Variants in AKT3 observed in about 807,000 individuals in gnomAD.
AKT3 encodes the protein AKT serine/threonine kinase 3.
A neutral mutation model predicts 65.3 loss-of-function variants in AKT3; 15 were observed. That is an observed-to-expected ratio of 0.23 (90% confidence interval 0.15 to 0.35). The LOEUF is 0.35. Ranked by LOEUF, AKT3 falls within the 10% of genes least tolerant of loss-of-function variation. AKT3 has a pLI of 1.00. For synonymous variants in AKT3, 206 were observed against 183.8 expected, an observed-to-expected ratio of 1.12 and a Z score of -0.98; for missense variants, 243 against 576.5, an observed-to-expected ratio of 0.42 and a Z score of 5.92.
At chr1:243,587,072 CAAATTATTA>C (rs980335247) in intron 8 of AKT3, among the ~76,000 whole-genome samples, 7 of 151,992 alleles carry the variant, frequency 4.6e-5, no homozygotes, top group African/African-American at 1.7e-4. Context: ...GAGAGGGCTA[CAAATTATTA>C]ATGTATATGA....
In AKT3 at chr1:243,671,025, ATTCT is replaced by A. The variant is rs1440023487; in HGVS notation, c.173-6146_173-6143del. 5.9e-5 allele frequency among the ~76,000 whole-genome samples: 9 copies of A among 152,088 alleles called. No individual in the cohort carries two copies. In the South Asian group the frequency reaches 8.3e-4, roughly 14 times the overall value. The stretch of plus-strand genomic sequence containing the variant: ...CTTTAGCCATTTAAACACTAATTTT[ATTCT>A]TTCTAAAATAACATCCAATGTGAAA... On this transcript the variant is annotated intron_variant, in intron 3 of 13. Transcript: ENST00000673466.
chr1:243,616,059 A>T (rs1157632402), intron 6 of AKT3, among the ~76,000 whole-genome samples: 3 of 150,628 alleles, frequency 2.0e-5, no homozygotes, highest in Non-Finnish European at 4.4e-5. Flanking sequence ...GGTGTTACAC[A>T]TTTTTTTTTA....
At chr1:243,645,853 CAAAT>C (rs770242111) in intron 5 of AKT3, 36 bp downstream of exon 5, 29 of 1,528,016 alleles carry the variant, frequency 1.9e-5, no homozygotes, top group Non-Finnish European at 2.5e-5. Flanking sequence ...TTCTTCCAGA[CAAAT>C]GAATGCTGTG....
intron 3 of AKT3, among the ~76,000 whole-genome samples, chr1:243,683,752 T>C (rs1684084980): frequency 6.6e-6 from 1 of 152,174 alleles, no homozygotes. Context: ...GTCCTCAGTA[T>C]AAACTATTGA....
chr1:243,812,148 C>T (rs1229575774), intron 2 of AKT3, among the ~76,000 whole-genome samples: 2 of 152,128 alleles, frequency 1.3e-5, no homozygotes, highest in Admixed American at 1.3e-4. Flanking sequence ...AAAGCAATGG[C>T]AACAAAAGCC....
chr1:243,602,734 A>G (rs969911469), intron 8 of AKT3, among the ~76,000 whole-genome samples: 4 of 152,250 alleles, frequency 2.6e-5, no homozygotes, highest in Admixed American at 6.5e-5. Context: ...AGAGTTTACA[A>G]TGAACTAAGT....
chr1:243,580,241 GTT>G (rs993799974), intron 8 of AKT3, among the ~76,000 whole-genome samples: 6 of 152,172 alleles, frequency 3.9e-5, no homozygotes, highest in African/African-American at 1.4e-4. Flanking sequence ...GCTGATAAAA[GTT>G]AAGTGAAGCC....
chr1:243,520,589 T>G (rs532008144), intron 12 of AKT3, among the ~76,000 whole-genome samples: 51 of 152,366 alleles, frequency 3.3e-4, no homozygotes, highest in Non-Finnish European at 6.3e-4. Context: ...TCTCAGCTAC[T>G]TTTATGGATC....
chr1:243,572,711 A>G (rs1426847674), intron 9 of AKT3, among the ~76,000 whole-genome samples: 1 of 152,188 alleles, frequency 6.6e-6, no homozygotes, highest in East Asian at 1.9e-4. Context: ...TCGGGCAGAA[A>G]TTGCTTTGCA....
intron 2 of AKT3, among the ~76,000 whole-genome samples, chr1:243,838,347 G>A (rs775384551): frequency 6.6e-6 from 1 of 151,912 alleles, no homozygotes; most frequent in Non-Finnish European, 1.5e-5. Flanking sequence ...GTACCATGTG[G>A]TTTACACAGT....
intron 3 of AKT3, among the ~76,000 whole-genome samples, chr1:243,667,377 A>G (rs1682863413): frequency 6.6e-6 from 1 of 152,000 alleles, no homozygotes; most frequent in Non-Finnish European, 1.5e-5. Flanking sequence ...TCTTCTGCCA[A>G]CCTCTACTGT....
At chr1:243,563,960 T>C (rs1673976739) in intron 9 of AKT3, 112 bp from the exon 10 acceptor site, 14 of 1,019,624 alleles carry the variant, frequency 1.4e-5, no homozygotes, top group Non-Finnish European at 1.9e-5. Context: ...CAGGACATAG[T>C]TGTAGCTAAT....
At chr1:243,738,561 T>TTTTCTTTATTTATTTATTTC (rs1687969676) in intron 2 of AKT3, among the ~76,000 whole-genome samples, 1 of 152,198 alleles carries the variant, frequency 6.6e-6, no homozygotes. Context: ...AAAATGTAAA[T>TTTTCTTTATTTATTTATTTC]AAATTTTATA....
intron 3 of AKT3, among the ~76,000 whole-genome samples, chr1:243,694,640 C>T (rs760823243): frequency 6.6e-6 from 1 of 151,544 alleles, no homozygotes; most frequent in Non-Finnish European, 1.5e-5. Flanking sequence ...CATTCTAACC[C>T]ACTAATAAGG....
intron 2 of AKT3, among the ~76,000 whole-genome samples, chr1:243,719,207 T>C (rs1396184787): frequency 6.6e-6 from 1 of 152,216 alleles, no homozygotes; most frequent in Non-Finnish European, 1.5e-5. Flanking sequence ...AAACCGATAG[T>C]GTTTAAATCC....
chr1:243,633,702 G>T (rs1679772817), intron 6 of AKT3, among the ~76,000 whole-genome samples: 1 of 151,944 alleles, frequency 6.6e-6, no homozygotes, highest in Non-Finnish European at 1.5e-5. Context: ...ACAAAAGAAG[G>T]CATTTATGTA....
At chr1:243,540,689 C>G (rs561916792) in intron 12 of AKT3, among the ~76,000 whole-genome samples, 1 of 152,102 alleles carries the variant, frequency 6.6e-6, no homozygotes, top group Non-Finnish European at 1.5e-5. Flanking sequence ...CCACCAATGC[C>G]CCTGCCTAGT....
upstream of AKT3, among the ~76,000 whole-genome samples, chr1:243,850,765 C>A (rs1695751192): frequency 6.6e-6 from 1 of 150,554 alleles, no homozygotes; most frequent in African/African-American, 2.4e-5. Flanking sequence ...CCCAAACCAG[C>A]GGTGCCCCGC....
chr1:243,814,794 C>G (rs1035329934), intron 2 of AKT3: 8 of 152,278 alleles, frequency 5.3e-5, no homozygotes, highest in African/African-American at 1.9e-4. Context: ...CTCACAGTTT[C>G]TGTTGGGTCA....
Sources: gnomAD v4.1 joint callset for allele counts (sites outside exome capture counted in the v4.1 genomes callset) on GRCh38, gnomAD v4.1.1 for gene constraint, MANE v1.5 for transcripts, NCBI Gene and HGNC (gene_info 2026-07-23, HGNC 2026-07-21) for gene names.